CAMTA1: variants seen among roughly 807,000 people sequenced by gnomAD.
CAMTA1 encodes calmodulin-binding transcription activator 1.
In CAMTA1, 27 loss-of-function variants were observed where a neutral mutation model predicts 170.9. The observed-to-expected ratio is 0.16, with a 90% CI of 0.12 to 0.22. The LOEUF is 0.22. CAMTA1 is among the 10% of genes least tolerant of loss of function. The probability of loss-of-function intolerance (pLI) is 1.00; values close to 1 mark genes in which losing one functional copy is unlikely to be tolerated. For synonymous variants in CAMTA1, 833 were observed against 891.5 expected (o/e 0.93, Z 1.17); for missense variants, 1,619 against 2,217.2 (o/e 0.73, Z 5.42).
At chr1:7,543,474 G>A (rs892473247) in intron 6 of CAMTA1, among the ~76,000 whole-genome samples, 2 of 151,896 alleles carry the variant, frequency 1.3e-5, no homozygotes. Context: ...CTAGTATATC[G>A]ACTTTGGAAA....
In CAMTA1 at chr1:7,663,706, G is replaced by A. The variant is rs199710494; in HGVS notation, c.1159G>A (p.Ala387Thr). The A allele has an allele frequency of 6.2e-7, 1 of 1,614,086 alleles. No homozygotes were observed. Among genetic ancestry groups the A allele is most frequent in the East Asian group, 2.2e-5 (1 of 44,884 alleles). Residue 387 changes from alanine (A) to threonine (T), a missense_variant, in exon 9 of 23, where the codon GCC (alanine) becomes ACC (threonine). Physicochemically the swap from Ala to Thr is moderately conservative, Grantham distance 58. Transcript: ENST00000303635. ...VVTGVSGMAVASVMGSLSQSA... is the reference protein window; with the variant it reads ...VVTGVSGMAVTSVMGSLSQSA... ...CACAGGTGTGTCCGGTATGGCGGTG[G>A]CCTCTGTGATGGGGAGCTTGTCCCA...
chr1:7,680,816 G>A lies in CAMTA1; in HGVS notation c.2914+3083G>A, dbSNP rs559843307. On this transcript the variant is annotated intron_variant, in intron 11 of 22. Coordinates refer to ENST00000303635, the MANE Select transcript of CAMTA1 (RefSeq NM_015215.4). The surrounding 1 kb of genome is among the most constrained non-coding windows in gnomAD (Gnocchi z 4.4). ...GTTTGCTTGGCTAAAGGCCGGGGGG[G>A]GGCGTGGGTCCGGGGCGCAGAGAAC... Among the ~76,000 whole-genome samples, 2 of 149,512 alleles carry A rather than the reference G, an allele frequency of 1.3e-5. No individual in the cohort carries two copies. The highest frequency in any genetic ancestry group is 2.0e-4 in the East Asian group (1 of 5,030).
At chr1:7,053,209 C>T (rs943192858) in intron 3 of CAMTA1, among the ~76,000 whole-genome samples, 3 of 152,202 alleles carry the variant, frequency 2.0e-5, no homozygotes, top group African/African-American at 4.8e-5. Flanking sequence ...CCCTCTCCTG[C>T]GGTGGCAGCT....
chr1:7,734,062 C>G (rs559235956), intron 12 of CAMTA1, among the ~76,000 whole-genome samples: 6 of 152,204 alleles, frequency 3.9e-5, no homozygotes, highest in Non-Finnish European at 8.8e-5. Flanking sequence ...ATTCTCCAGC[C>G]TCAGCCTCCC....
At chr1:6,954,753 C>A (rs935685806) in intron 3 of CAMTA1, among the ~76,000 whole-genome samples, 9 of 152,170 alleles carry the variant, frequency 5.9e-5, no homozygotes, top group African/African-American at 2.2e-4. Context: ...GCCGCCTGGG[C>A]AGCTGGAGTG....
intron 5 of CAMTA1, among the ~76,000 whole-genome samples, chr1:7,296,024 G>A (rs966435291): frequency 1.3e-5 from 2 of 152,174 alleles, no homozygotes; most frequent in African/African-American, 2.4e-5. Flanking sequence ...TTCTAAACTC[G>A]ATCATGGGGT....
intron 11 of CAMTA1, among the ~76,000 whole-genome samples, chr1:7,684,820 T>G (rs943676441): frequency 6.6e-6 from 1 of 152,296 alleles, no homozygotes; most frequent in Middle Eastern, 3.4e-3. Context: ...TCTTGTAGGC[T>G]TAGTCCCCAG....
chr1:7,013,283 T>G lies in CAMTA1; in HGVS notation c.235-78021T>G, dbSNP rs575427520. Reference sequence around the variant, plus strand: ...CTCAGGCTGGAGTGCAGTGGCACGGTGTTATCTCACTGCAACCTCTGCCTC... The same window carrying G: ...CTCAGGCTGGAGTGCAGTGGCACGGGGTTATCTCACTGCAACCTCTGCCTC... On this transcript the variant is annotated intron_variant, in intron 3 of 22. Coordinates refer to ENST00000303635, the MANE Select transcript of CAMTA1 (RefSeq NM_015215.4). 3.6e-3 allele frequency among the ~76,000 whole-genome samples: 500 copies of G among 138,328 alleles called. 8 individuals carry two copies. Among genetic ancestry groups the G allele is most frequent in the African/African-American group, 0.013 (465 of 36,490 alleles). The allele number at this position is 138,328 out of a possible 152,430, so 90.7% of individuals were successfully genotyped here. A position where few individuals can be genotyped will look rare whatever the true frequency, so the allele number is the denominator to read the frequency against.
intron 5 of CAMTA1, among the ~76,000 whole-genome samples, chr1:7,310,706 CTTTCTTTCTTTCTTTCTTTCTTTCTT>C (rs1676548817): frequency 3.5e-5 from 2 of 57,598 alleles, no homozygotes; most frequent in African/African-American, 1.1e-4. Context: ...CTCTCTCTTT[CTTTCTTTCTTTCTTTCTTTCTTTCTT>C]TCTTTCTTTC....
intron 6 of CAMTA1, among the ~76,000 whole-genome samples, chr1:7,622,422 T>G (rs1490835136): frequency 6.6e-6 from 1 of 152,236 alleles, no homozygotes; most frequent in Non-Finnish European, 1.5e-5. Context: ...GATAACAGAT[T>G]GGTGTATTCT....
chr1:7,149,409 G>T (rs1365971246), intron 4 of CAMTA1, among the ~76,000 whole-genome samples: 1 of 152,206 alleles, frequency 6.6e-6, no homozygotes, highest in African/African-American at 2.4e-5. Context: ...CCCCTCTGCT[G>T]CCATCAAATG....
Position 7,064,221 on chromosome 1 carries a change from CCTCCTG to C in CAMTA1, c.235-27077_235-27072del, listed in dbSNP as rs1708674981. ...CTTTCTCCCCTTTCCTCCTGCTCCT[CCTCCTG>C]CTCCTTCCTCTTGTTCTTGTTCTTT... On this transcript the variant is annotated intron_variant, in intron 3 of 22. Coordinates refer to ENST00000303635, the MANE Select transcript of CAMTA1 (RefSeq NM_015215.4). This position sits in a 1 kb window ranked among gnomAD's most constrained non-coding sequence, Gnocchi z 5.4. Among the ~76,000 whole-genome samples, 1 of 151,954 alleles carries C rather than the reference CCTCCTG, an allele frequency of 6.6e-6. No individual in the cohort carries two copies.
intron 3 of CAMTA1, among the ~76,000 whole-genome samples, chr1:6,931,054 G>C (rs993856865): frequency 6.6e-6 from 1 of 152,160 alleles, no homozygotes; most frequent in East Asian, 1.9e-4. Flanking sequence ...AGATGCCTCG[G>C]TCTGGTTAGA....
intron 6 of CAMTA1, among the ~76,000 whole-genome samples, chr1:7,477,669 G>T (rs78644238): frequency 1.3e-5 from 2 of 152,252 alleles, no homozygotes; most frequent in Admixed American, 1.3e-4. Context: ...CCCTCTTCCC[G>T]ATTCCTTCCT....
intron 2 of CAMTA1, 57 bp downstream of exon 2, chr1:6,820,307 A>G: frequency 6.3e-7 from 1 of 1,587,254 alleles, no homozygotes; most frequent in Non-Finnish European, 8.6e-7. Flanking sequence ...CAGTGGCAGT[A>G]ATTATCATCT....
At chr1:6,850,877 A>G (rs547240317) in intron 3 of CAMTA1, among the ~76,000 whole-genome samples, 84 of 152,354 alleles carry the variant, frequency 5.5e-4, no homozygotes, top group Non-Finnish European at 9.1e-4. Context: ...CCAAAAGCCT[A>G]TATCTTAGAG....
Position 7,635,095 on chromosome 1 carries a change from G to A in CAMTA1, c.511-5305G>A, listed in dbSNP as rs1576510337. ...TCTCCCCAGCCTTTGGCACTGACCA[G>A]GCCTCCAGGAAAGCAAGGGCTCATC... is the stretch of plus-strand genomic sequence containing the variant. On this transcript the variant is annotated intron_variant, in intron 6 of 22. Coordinates refer to ENST00000303635, the MANE Select transcript of CAMTA1 (RefSeq NM_015215.4). This position sits in a 1 kb window ranked among gnomAD's most constrained non-coding sequence, Gnocchi z 4.4. Among the ~76,000 whole-genome samples, 1 of 152,298 alleles carries A rather than the reference G, an allele frequency of 6.6e-6. No individual in the cohort carries two copies. Among genetic ancestry groups the A allele is most frequent in the South Asian group, 2.1e-4 (1 of 4,824 alleles).
At chr1:7,132,067 A>ACG (rs1558145976) in intron 4 of CAMTA1, among the ~76,000 whole-genome samples, 1 of 151,476 alleles carries the variant, frequency 6.6e-6, no homozygotes, top group Non-Finnish European at 1.5e-5. Flanking sequence ...ACACACACAC[A>ACG]CACACGCACA....
chr1:7,278,234 G>A (rs759576688), intron 5 of CAMTA1, among the ~76,000 whole-genome samples: 6 of 152,208 alleles, frequency 3.9e-5, no homozygotes, highest in African/African-American at 7.2e-5. Flanking sequence ...AGGACTTGGC[G>A]CAGGGTGGGG....
Sources: allele counts gnomAD v4.1 joint callset (sites outside exome capture counted in the v4.1 genomes callset), GRCh38; gene constraint gnomAD v4.1.1; non-coding constraint Gnocchi (gnomAD v3.1); transcripts MANE v1.5; gene names NCBI Gene and HGNC (gene_info 2026-07-23, HGNC 2026-07-21).